The following HNF4A variants were observed in gnomAD, a reference collection of about 807,000 sequenced individuals.
The protein encoded by HNF4A is hepatocyte nuclear factor 4 alpha.
In HNF4A, 15 loss-of-function variants were observed where a neutral mutation model predicts 52.4. The ratio of observed to expected loss-of-function variants is 0.29; its 90% CI spans 0.19 to 0.44. The LOEUF (loss-of-function observed/expected upper bound fraction) is 0.44. Among genes scored for constraint, HNF4A ranks in the 20% least tolerant of loss-of-function variants. The probability of loss-of-function intolerance (pLI) is 1.00; values close to 1 mark genes in which losing one functional copy is unlikely to be tolerated. For synonymous variants in HNF4A, 280 were observed against 264.4 expected (o/e 1.06, Z -0.57); for missense variants, 479 against 647.2 (o/e 0.74, Z 2.82).
chr20:44,420,015 C>A, intron 7 of HNF4A, 139 bp downstream of exon 7: 1 of 883,868 alleles, frequency 1.1e-6, no homozygotes, highest in Non-Finnish European at 1.9e-6. Context: ...TTTCATTTAA[C>A]AGATGAGGCA....
At chr20:44,362,999 G>T (rs976547648) in intron 1 of HNF4A, among the ~76,000 whole-genome samples, 1 of 151,438 alleles carries the variant, frequency 6.6e-6, no homozygotes, top group African/African-American at 2.4e-5. Flanking sequence ...GGTTACAAGC[G>T]CCTGCCACCA....
At chr20:44,371,938 C>T (rs1184050903) in intron 1 of HNF4A, among the ~76,000 whole-genome samples, 1 of 152,178 alleles carries the variant, frequency 6.6e-6, no homozygotes, top group Non-Finnish European at 1.5e-5. Flanking sequence ...TCTCATGCTT[C>T]CTCTAATTTG....
upstream of HNF4A, among the ~76,000 whole-genome samples, chr20:44,400,454 AG>A (rs1464456292): frequency 6.6e-6 from 1 of 151,988 alleles, no homozygotes; most frequent in Admixed American, 6.6e-5. Context: ...TTTACAGAAA[AG>A]GAAACTGAGG....
At chr20:44,390,215 A>T (rs1022576471) in intron 1 of HNF4A, among the ~76,000 whole-genome samples, 1 of 152,148 alleles carries the variant, frequency 6.6e-6, no homozygotes, top group African/African-American at 2.4e-5. Context: ...CAATAGGGGG[A>T]TGGAGAAACA....
upstream of HNF4A, among the ~76,000 whole-genome samples, chr20:44,398,212 T>G (rs2063370844): frequency 6.6e-6 from 1 of 152,212 alleles, no homozygotes; most frequent in African/African-American, 2.4e-5. Context: ...GTAACATACA[T>G]ATGTTTAAAA....
chr20:44,387,655 C>CGGGGGGGGGGG, intron 1 of HNF4A, among the ~76,000 whole-genome samples: 1 of 8,618 alleles, frequency 1.2e-4, no homozygotes. Flanking sequence ...TGGAGGCAGG[C>CGGGGGGGGGGG]GGGGGGGGGG....
intron 7 of HNF4A, among the ~76,000 whole-genome samples, chr20:44,423,003 A>C (rs1243616855): frequency 1.3e-5 from 2 of 152,106 alleles, no homozygotes; most frequent in Non-Finnish European, 2.9e-5. Flanking sequence ...TTGACTATGC[A>C]TGGTGCTAGG....
chr20:44,368,092 GTGTGTGTGTGTGTGTGTGTATACATATA>G (rs1243877431), intron 1 of HNF4A, among the ~76,000 whole-genome samples: 3 of 133,478 alleles, frequency 2.2e-5, no homozygotes, highest in Admixed American at 8.0e-5. Context: ...ATATATGTGT[GTGTGTGTGTGTGTGTGTGTATACATATA>G]TGTGTGTGTG....
chr20:44,374,653 A>G (rs2063067037), intron 1 of HNF4A, among the ~76,000 whole-genome samples: 1 of 152,036 alleles, frequency 6.6e-6, no homozygotes, highest in Non-Finnish European at 1.5e-5. Context: ...TAGTAGAGAC[A>G]CAGTTTTACC....
chr20:44,389,949 G>A (rs533614495), intron 1 of HNF4A: 1 of 152,546 alleles, frequency 6.6e-6, no homozygotes, highest in South Asian at 2.1e-4. Context: ...TGTGCAGTGT[G>A]GGCGTGGCAG....
chr20:44,376,056 C>T (rs1600650918), intron 1 of HNF4A, among the ~76,000 whole-genome samples: 1 of 151,888 alleles, frequency 6.6e-6, no homozygotes, highest in East Asian at 1.9e-4. Flanking sequence ...ATCAGCCTGA[C>T]CAACATGATG....
At position 44,367,335 on chromosome 20, in the gene HNF4A, C is replaced by CAAA. The variant is rs1211796695; in HGVS notation, c.49+11498_49+11500dup. Reference sequence around the variant, plus strand: ...GGGCAACAAAAGCGAAACTCTGTCTCAAAAAAAAAAAAAAAAAATTAACTT... The same window carrying CAAA: ...GGGCAACAAAAGCGAAACTCTGTCTCAAAAAAAAAAAAAAAAAAAAATTAACTT... On this transcript the variant is annotated intron_variant, in intron 1 of 9. Coordinates refer to the HNF4A transcript ENST00000316673. 9.8e-4 allele frequency among the ~76,000 whole-genome samples: 79 copies of CAAA among 80,462 alleles called. 1 individual carries two copies. The highest frequency in any genetic ancestry group is 7.8e-3 in the Middle Eastern group (1 of 128). The allele number at this position is 80,462 out of a possible 152,430, so 52.8% of individuals were successfully genotyped here. A position where few individuals can be genotyped will look rare whatever the true frequency, so the allele number is the denominator to read the frequency against.
chr20:44,381,686 T>C (rs73613484), intron 1 of HNF4A, among the ~76,000 whole-genome samples: 1 of 152,096 alleles, frequency 6.6e-6, no homozygotes, highest in African/African-American at 2.4e-5. Flanking sequence ...TCTCAGCTCA[T>C]TGCAACCTCT....
At chr20:44,406,305 C>G in intron 2 of HNF4A, 73 bp downstream of exon 2, 1 of 1,396,278 alleles carries the variant, frequency 7.2e-7, no homozygotes, top group African/African-American at 1.4e-5. Context: ...TGTCTTCTCC[C>G]TGAGTGGGTA....
At chr20:44,363,510 G>T (rs1400036643) in intron 1 of HNF4A, among the ~76,000 whole-genome samples, 1 of 151,928 alleles carries the variant, frequency 6.6e-6, no homozygotes, top group Non-Finnish European at 1.5e-5. Flanking sequence ...GATGCCCAGG[G>T]TCTCCTCTTG....
chr20:44,374,558 G>A (rs1049202676), intron 1 of HNF4A, among the ~76,000 whole-genome samples: 4 of 152,120 alleles, frequency 2.6e-5, no homozygotes, highest in African/African-American at 9.7e-5. Flanking sequence ...CTGCCTCCCA[G>A]GTTCAAGCCA....
chr20:44,402,224 TCTTG>T (rs1294377405), intron 1 of HNF4A, among the ~76,000 whole-genome samples: 1 of 152,072 alleles, frequency 6.6e-6, no homozygotes, highest in Non-Finnish European at 1.5e-5. Context: ...CCCGTGTTGA[TCTTG>T]CTTATGTATG....
upstream of HNF4A, among the ~76,000 whole-genome samples, chr20:44,397,599 C>A (rs1476256012): frequency 1.3e-5 from 2 of 152,004 alleles, no homozygotes; most frequent in East Asian, 3.8e-4. Context: ...TACCCATGAA[C>A]CAACGTCTCT....
At chr20:44,418,360 T>C (rs2063695324) in intron 5 of HNF4A, 65 bp from the exon 6 acceptor site, 1 of 1,321,394 alleles carries the variant, frequency 7.6e-7, no homozygotes, top group Middle Eastern at 1.8e-4. Context: ...CCAGCGTCAC[T>C]GAGTTGGCTA....
Sources: allele counts gnomAD v4.1 joint callset (sites outside exome capture counted in the v4.1 genomes callset), GRCh38; gene constraint gnomAD v4.1.1; transcripts MANE v1.5; gene names NCBI Gene and HGNC (gene_info 2026-07-23, HGNC 2026-07-21).